Variants in NFIA observed in about 807,000 individuals in gnomAD.
NFIA encodes the protein nuclear factor I A.
NFIA carries 8 observed loss-of-function variants against 62.8 expected under a neutral mutation model. The observed-to-expected ratio is 0.13, with a 90% CI of 0.07 to 0.23. The LOEUF (loss-of-function observed/expected upper bound fraction) is 0.23, where lower values mean the gene tolerates loss of function less well. NFIA is among the 10% of genes least tolerant of loss of function. The probability of loss-of-function intolerance (pLI) is 1.00; values close to 1 mark genes in which losing one functional copy is unlikely to be tolerated. For missense variants in NFIA, 410 were observed against 642.1 expected (o/e 0.64, Z 3.91); for synonymous variants, 235 against 238.1 (o/e 0.99, Z 0.12).
chr1:61,354,407 T>C (rs1034298365), intron 5 of NFIA, among the ~76,000 whole-genome samples: 1 of 152,212 alleles, frequency 6.6e-6, no homozygotes, highest in Non-Finnish European at 1.5e-5. Context: ...CACCGATCAA[T>C]ATGTCTTCCT....
intron 10 of NFIA, among the ~76,000 whole-genome samples, chr1:61,441,206 T>G (rs558406710): frequency 9.2e-5 from 14 of 152,184 alleles, no homozygotes; most frequent in African/African-American, 3.1e-4. Flanking sequence ...TTAGACTGAC[T>G]CAAACGCATT....
chr1:61,429,389 TTCTG>T (rs755886629), intron 10 of NFIA, among the ~76,000 whole-genome samples: 2 of 152,178 alleles, frequency 1.3e-5, no homozygotes, highest in Non-Finnish European at 2.9e-5. Context: ...TTGCACCCAG[TTCTG>T]TCTGACAGCA....
At chr1:61,414,927 C>A (rs1178336875) in intron 9 of NFIA, among the ~76,000 whole-genome samples, 1 of 152,090 alleles carries the variant, frequency 6.6e-6, no homozygotes, top group Non-Finnish European at 1.5e-5. Flanking sequence ...AGATACGGAA[C>A]AATCCCCAAA....
At chr1:61,423,143 A>G (rs1208602201) in intron 9 of NFIA, among the ~76,000 whole-genome samples, 3 of 152,106 alleles carry the variant, frequency 2.0e-5, no homozygotes, top group Non-Finnish European at 4.4e-5. Context: ...TGGTCAGATT[A>G]GTGCAAATGA....
At chr1:61,452,822 G>C (rs996380917) in intron 10 of NFIA, among the ~76,000 whole-genome samples, 3 of 152,158 alleles carry the variant, frequency 2.0e-5, no homozygotes, top group African/African-American at 7.2e-5. Context: ...AACATGTCAT[G>C]AGTTGATTTG....
At chr1:61,225,315 ATCTCAGC>A (rs1226657239) in intron 2 of NFIA, among the ~76,000 whole-genome samples, 1 of 151,750 alleles carries the variant, frequency 6.6e-6, no homozygotes, top group African/African-American at 2.4e-5. Flanking sequence ...CAGTGGCCCA[ATCTCAGC>A]TCACTGCAAC....
intron 7 of NFIA, among the ~76,000 whole-genome samples, chr1:61,384,867 G>A (rs1165017365): frequency 6.6e-6 from 1 of 152,098 alleles, no homozygotes; most frequent in East Asian, 1.9e-4. Context: ...TAGACACTGG[G>A]ACCAGTGGTT....
intron 10 of NFIA, among the ~76,000 whole-genome samples, chr1:61,427,150 A>T (rs1666906034): frequency 6.6e-6 from 1 of 152,180 alleles, no homozygotes; most frequent in South Asian, 2.1e-4. Flanking sequence ...GAAGCAGGTG[A>T]TTGAGAGAAG....
upstream of NFIA, chr1:61,077,694 G>A: frequency 7.8e-7 from 1 of 1,285,212 alleles, no homozygotes; most frequent in East Asian, 2.6e-5. Context: ...AACAATGGTA[G>A]AATGATTTTG....
intron 7 of NFIA, among the ~76,000 whole-genome samples, chr1:61,398,810 A>T (rs1380724967): frequency 1.3e-5 from 2 of 152,182 alleles, no homozygotes; most frequent in African/African-American, 4.8e-5. Context: ...TGATTCATGC[A>T]TGATTTATAA....
chr1:61,258,781 TGG>T (rs1656578977), intron 2 of NFIA, among the ~76,000 whole-genome samples: 1 of 151,566 alleles, frequency 6.6e-6, no homozygotes, highest in Non-Finnish European at 1.5e-5. Context: ...CAGGCTGGAG[TGG>T]GGTGACATGA....
intron 2 of NFIA, among the ~76,000 whole-genome samples, chr1:61,195,789 T>C (rs1311009769): frequency 2.0e-5 from 3 of 152,198 alleles, no homozygotes; most frequent in Non-Finnish European, 2.9e-5. Context: ...AAGCTACTTT[T>C]TAATAATGTC....
chr1:61,293,464 A>G (rs1659012468), intron 3 of NFIA, among the ~76,000 whole-genome samples: 1 of 152,254 alleles, frequency 6.6e-6, no homozygotes. Context: ...GTTTCTGAAC[A>G]GTTTCAAATA....
intron 2 of NFIA, among the ~76,000 whole-genome samples, chr1:61,246,108 G>T (rs1249957884): frequency 6.6e-6 from 1 of 152,148 alleles, no homozygotes; most frequent in Non-Finnish European, 1.5e-5. Context: ...GACAAGCTTT[G>T]CATATGGAAG....
chr1:61,273,032 G>T (rs1657607769), intron 2 of NFIA, among the ~76,000 whole-genome samples: 1 of 152,178 alleles, frequency 6.6e-6, no homozygotes, highest in Admixed American at 6.5e-5. Context: ...ACCAGAATTT[G>T]TGCTTTTATG....
intron 3 of NFIA, among the ~76,000 whole-genome samples, chr1:61,330,643 T>A (rs1661253558): frequency 6.6e-6 from 1 of 152,110 alleles, no homozygotes; most frequent in African/African-American, 2.4e-5. Context: ...TTAAAATATA[T>A]TGCTTGCTTT....
chr1:61,235,503 T>TAAATAAAAAAAA (rs1170393926), intron 2 of NFIA, among the ~76,000 whole-genome samples: 10 of 136,720 alleles, frequency 7.3e-5, no homozygotes, highest in African/African-American at 2.7e-4. Context: ...AATAAATAAA[T>TAAATAAAAAAAA]AAAAATAAAA....
chr1:61,085,913 G>A (rs938911484), intron 1 of NFIA, among the ~76,000 whole-genome samples: 3 of 152,140 alleles, frequency 2.0e-5, no homozygotes, highest in Non-Finnish European at 2.9e-5. Context: ...AATCCTGTTG[G>A]ACACGAATGC....
chr1:61,333,047 G>GCACACACACACACACA (rs71050120), intron 4 of NFIA, among the ~76,000 whole-genome samples: 2 of 144,688 alleles, frequency 1.4e-5, no homozygotes, highest in South Asian at 2.3e-4. Context: ...TAGCATGCAC[G>GCACACACACACACACA]CACACACACA....
Sources: gnomAD v4.1 joint callset for allele counts (sites outside exome capture counted in the v4.1 genomes callset) on GRCh38, gnomAD v4.1.1 for gene constraint, MANE v1.5 for transcripts, NCBI Gene and HGNC (gene_info 2026-07-23, HGNC 2026-07-21) for gene names.